The following PSMA1 variants were observed in gnomAD, a reference collection of about 807,000 sequenced individuals.
PSMA1 encodes the protein proteasome 20S subunit alpha 1, also known as proteasome subunit alpha type-1.
PSMA1 carries 3 observed loss-of-function variants against 38.4 expected under a neutral mutation model. The ratio of observed to expected loss-of-function variants is 0.08; its 90% CI spans 0.04 to 0.20. The LOEUF (loss-of-function observed/expected upper bound fraction) is 0.20. Among genes scored for constraint, PSMA1 ranks in the 10% least tolerant of loss-of-function variants. The probability of loss-of-function intolerance (pLI) is 1.00; values close to 1 mark genes in which losing one functional copy is unlikely to be tolerated. For missense variants in PSMA1, 227 were observed against 325.3 expected, an observed-to-expected ratio of 0.70 and a Z score of 2.32; for synonymous variants, 101 against 107.1, an observed-to-expected ratio of 0.94 and a Z score of 0.35.
intron 1 of PSMA1, among the ~76,000 whole-genome samples, chr11:14,611,828 T>C (rs1180238194): frequency 6.6e-6 from 1 of 152,198 alleles, no homozygotes; most frequent in East Asian, 1.9e-4. Context: ...TTCCCAACTT[T>C]GTCTCTTTTC....
chr11:14,593,277 A>AGACTTCT (rs1174408113), intron 2 of PSMA1, among the ~76,000 whole-genome samples: 1 of 152,240 alleles, frequency 6.6e-6, no homozygotes, highest in African/African-American at 2.4e-5. Context: ...ACGTAACTGA[A>AGACTTCT]GACTTCTGAG....
At chr11:14,516,607 G>A (rs568720518) in intron 4 of PSMA1, among the ~76,000 whole-genome samples, 1 of 152,172 alleles carries the variant, frequency 6.6e-6, no homozygotes, top group African/African-American at 2.4e-5. Context: ...CTCTGTGTTA[G>A]TGGTTTACAG....
At chr11:14,577,196 C>T (rs1054245110) in intron 2 of PSMA1, among the ~76,000 whole-genome samples, 4 of 152,126 alleles carry the variant, frequency 2.6e-5, no homozygotes, top group Admixed American at 6.6e-5. Context: ...TATTTACTAA[C>T]TTATTTGATT....
In PSMA1 at chr11:14,553,857, A is replaced by G. The variant is rs1019983712; in HGVS notation, c.22-34816T>C. ...TGCCTAGGAATGTGATTGCTAGATC[A>G]TGTGGTAAGTATAAGTTTAGATTTT... On this transcript the variant is annotated intron_variant, in intron 2 of 10. Coordinates refer to the PSMA1 transcript ENST00000418988. Among the ~76,000 whole-genome samples the G allele has an allele frequency of 5.9e-5, 9 of 152,202 alleles. 1 individual carries two copies. The highest frequency in any genetic ancestry group is 3.9e-4 in the Admixed American group (6 of 15,278).
intron 2 of PSMA1, among the ~76,000 whole-genome samples, chr11:14,585,311 A>G (rs943824834): frequency 2.0e-5 from 3 of 152,184 alleles, no homozygotes; most frequent in African/African-American, 7.2e-5. Flanking sequence ...AAAATGAATT[A>G]AAAAAATAAA....
intron 2 of PSMA1, among the ~76,000 whole-genome samples, chr11:14,558,363 CTA>C (rs1394603382): frequency 6.6e-6 from 1 of 151,998 alleles, no homozygotes; most frequent in African/African-American, 2.4e-5. Flanking sequence ...CTGCAGTGAG[CTA>C]TGATTGTGCC....
intron 2 of PSMA1, among the ~76,000 whole-genome samples, chr11:14,569,269 C>A (rs1383943894): frequency 6.6e-6 from 1 of 152,110 alleles, no homozygotes; most frequent in African/African-American, 2.4e-5. Context: ...CAAATAGGAA[C>A]AGCTCCAGTC....
At chr11:14,560,064 G>T (rs919065701) in intron 2 of PSMA1, among the ~76,000 whole-genome samples, 1 of 152,168 alleles carries the variant, frequency 6.6e-6, no homozygotes, top group Non-Finnish European at 1.5e-5. Context: ...CTATGAACTT[G>T]GGCAAGGTGA....
rs117181240 is a variant in PSMA1, at chr11:14,615,734, G to A, written c.-165-4583C>T. ...CCTGTCCTGACTGGTCCACTTCTGT[G>A]GTACCATTTAGATCTCTTTTTAACT... On this transcript the variant is annotated intron_variant, in intron 1 of 10. Coordinates refer to the PSMA1 transcript ENST00000418988. Among the ~76,000 whole-genome samples the A allele has an allele frequency of 1.5e-3, 224 of 152,144 alleles. 7 individuals carry two copies. In the East Asian group the frequency reaches 0.032, roughly 21 times the overall value.
chr11:14,630,074 T>G (rs1852978906), intron 1 of PSMA1, among the ~76,000 whole-genome samples: 1 of 152,084 alleles, frequency 6.6e-6, no homozygotes, highest in Admixed American at 6.6e-5. Flanking sequence ...GCTGAGACAA[T>G]GGGGTTTTCT....
At chr11:14,616,252 G>C (rs79643489) in intron 1 of PSMA1, among the ~76,000 whole-genome samples, 16 of 50,664 alleles carry the variant, frequency 3.2e-4, no homozygotes, top group Non-Finnish European at 4.3e-4. Context: ...TTTTTTTTTT[G>C]AGACAGAGTC....
intron 1 of PSMA1, among the ~76,000 whole-genome samples, chr11:14,637,506 G>A (rs1231985888): frequency 1.3e-5 from 2 of 152,120 alleles, no homozygotes; most frequent in Non-Finnish European, 2.9e-5. Flanking sequence ...AGTACATGCT[G>A]AATAAATGAA....
At chr11:14,578,123 A>T (rs1254065424) in intron 2 of PSMA1, among the ~76,000 whole-genome samples, 1 of 152,172 alleles carries the variant, frequency 6.6e-6, no homozygotes, top group African/African-American at 2.4e-5. Flanking sequence ...TACCTAATGT[A>T]GATCACGGGT....
chr11:14,627,579 C>G (rs1220177649), intron 1 of PSMA1, among the ~76,000 whole-genome samples: 1 of 152,090 alleles, frequency 6.6e-6, no homozygotes, highest in Non-Finnish European at 1.5e-5. Flanking sequence ...TAATCTTTGA[C>G]AAATTACTTA....
At chr11:14,641,961 T>C (rs926614973) in intron 1 of PSMA1, among the ~76,000 whole-genome samples, 3 of 152,338 alleles carry the variant, frequency 2.0e-5, no homozygotes, top group African/African-American at 4.8e-5. Context: ...GTAAAAGTTA[T>C]AGGATTGCTT....
At chr11:14,548,633 G>C (rs754841042) in intron 2 of PSMA1, among the ~76,000 whole-genome samples, 1 of 152,142 alleles carries the variant, frequency 6.6e-6, no homozygotes, top group Non-Finnish European at 1.5e-5. Context: ...AAAGGCAATA[G>C]ATCAGGATTT....
chr11:14,572,913 A>G (rs903677190), intron 2 of PSMA1, among the ~76,000 whole-genome samples: 1 of 152,230 alleles, frequency 6.6e-6, no homozygotes, highest in African/African-American at 2.4e-5. Flanking sequence ...TAGAAAATCT[A>G]GAAGAAATGG....
At chr11:14,540,429 G>A (rs1851761162) in intron 2 of PSMA1, among the ~76,000 whole-genome samples, 1 of 152,222 alleles carries the variant, frequency 6.6e-6, no homozygotes, top group Non-Finnish European at 1.5e-5. Flanking sequence ...ATGGTTCAGC[G>A]CACACTTCCA....
chr11:14,628,674 A>G (rs1450150305), intron 1 of PSMA1, among the ~76,000 whole-genome samples: 1 of 137,286 alleles, frequency 7.3e-6, no homozygotes, highest in Non-Finnish European at 1.6e-5. Context: ...TCCTTTGGGT[A>G]TATACCCAGT....
Sources: gnomAD v4.1 joint callset for allele counts (sites outside exome capture counted in the v4.1 genomes callset) on GRCh38, gnomAD v4.1.1 for gene constraint, MANE v1.5 for transcripts, NCBI Gene and HGNC (gene_info 2026-07-23, HGNC 2026-07-21) for gene names.